NPHP4: variants seen among roughly 807,000 people sequenced by gnomAD.
NPHP4 encodes the protein nephrocystin-4.
A neutral mutation model predicts 155.8 loss-of-function variants in NPHP4; 151 were observed. The observed-to-expected ratio is 0.97, with a 90% confidence interval of 0.85 to 1.11. NPHP4 has a LOEUF of 1.11. NPHP4 is among the 50% of genes least tolerant of loss of function. The probability of loss-of-function intolerance (pLI) is 0.00; values close to 1 mark genes in which losing one functional copy is unlikely to be tolerated. For synonymous variants in NPHP4, 845 were observed against 816.8 expected (o/e 1.03, Z -0.59); for missense variants, 1,956 against 1,925.7 (o/e 1.02, Z -0.29).
intron 11 of NPHP4, among the ~76,000 whole-genome samples, chr1:5,922,360 T>C (rs1645785282): frequency 6.6e-6 from 1 of 152,228 alleles, no homozygotes; most frequent in Admixed American, 6.5e-5. Flanking sequence ...CAGAAACTAA[T>C]ATATTCCTTC....
chr1:5,875,320 T>C (rs767145150), intron 20 of NPHP4, among the ~76,000 whole-genome samples: 1 of 136,680 alleles, frequency 7.3e-6, no homozygotes, highest in Non-Finnish European at 1.6e-5. Flanking sequence ...GCTGGCTGTG[T>C]CCCTGACACG....
chr1:5,893,981 C>T (rs574761651), intron 16 of NPHP4, among the ~76,000 whole-genome samples: 2 of 152,236 alleles, frequency 1.3e-5, no homozygotes, highest in East Asian at 1.9e-4. Context: ...AGGTTATGAC[C>T]GTAGAGCGAG....
In NPHP4 at chr1:5,948,106, C is replaced by T. The variant is rs1396696272; in HGVS notation, c.956G>A (p.Ser319Asn). The T allele has an allele frequency of 6.2e-7, 1 of 1,613,942 alleles. No homozygotes were observed. The highest frequency in any genetic ancestry group is 2.2e-5 in the East Asian group (1 of 44,872). The change falls in exon 8 of 30, where the codon AGC becomes AAC. Residue 319 changes from serine (S) to asparagine (N), a missense_variant. Ser to Asn is a conservative substitution (Grantham distance 46). Coordinates refer to ENST00000378156, the MANE Select transcript of NPHP4 (RefSeq NM_015102.5). ...EMDVALTRSA[S>N]FSRKVVSSSK... ...AGAGGAGACCACTTTCCTGCTGAAG[C>T]TAGCTGAGCGCGTCAAGGCCACATC...
intron 5 of NPHP4, among the ~76,000 whole-genome samples, chr1:5,965,513 T>C (rs1354821521): frequency 6.6e-6 from 1 of 152,160 alleles, no homozygotes; most frequent in Non-Finnish European, 1.5e-5. Context: ...AAAGCCAATC[T>C]TCAGCAACGA....
At chr1:5,960,700 C>A (rs768214368) in intron 6 of NPHP4, among the ~76,000 whole-genome samples, 10 of 152,102 alleles carry the variant, frequency 6.6e-5, no homozygotes, top group Non-Finnish European at 1.5e-4. Flanking sequence ...ACAAAAGTCT[C>A]CAGAAGTGCC....
intron 11 of NPHP4, among the ~76,000 whole-genome samples, chr1:5,912,451 T>C (rs1304422300): frequency 7.0e-6 from 1 of 143,492 alleles, no homozygotes; most frequent in Non-Finnish European, 1.5e-5. Flanking sequence ...GGCAGGAGAA[T>C]GGCGTGAACC....
chr1:5,907,334 C>A (rs775861235), intron 12 of NPHP4, 112 bp from the exon 13 acceptor site: 4 of 601,542 alleles, frequency 6.6e-6, no homozygotes, highest in Non-Finnish European at 8.4e-6. Context: ...GATCCAGCCA[C>A]GGAAGGGAGT....
At chr1:5,948,311 A>G (rs1570586890) in intron 7 of NPHP4, 60 bp from the exon 8 acceptor site, 1 of 1,335,668 alleles carries the variant, frequency 7.5e-7, no homozygotes, top group Non-Finnish European at 1.0e-6. Context: ...GCTCGCCAGA[A>G]GTCCCTGGGG....
At chr1:5,960,462 G>A (rs897527365) in intron 6 of NPHP4, among the ~76,000 whole-genome samples, 12 of 152,160 alleles carry the variant, frequency 7.9e-5, no homozygotes, top group Middle Eastern at 3.4e-3. Flanking sequence ...CGCCGGAGCC[G>A]AGCTGCATCC....
rs184906687 is a variant in NPHP4, at chr1:5,917,523, T to C, written c.1442-8310A>G. ...CATCAGCTCTACCTCTAGGCTTTTCTGACACATGAGCCAATACATTCTCTC... is the reference window on the plus strand; with the variant it reads ...CATCAGCTCTACCTCTAGGCTTTTCCGACACATGAGCCAATACATTCTCTC... On this transcript the variant is annotated intron_variant, in intron 11 of 29. Transcript: ENST00000378156. Among the ~76,000 whole-genome samples the C allele has an allele frequency of 3.2e-3, 480 of 152,304 alleles. 17 individuals carry two copies. The highest frequency in any genetic ancestry group is 0.029 in the Admixed American group (449 of 15,302).
At chr1:5,896,335 T>C (rs1570309668) in intron 16 of NPHP4, among the ~76,000 whole-genome samples, 1 of 152,162 alleles carries the variant, frequency 6.6e-6, no homozygotes, top group African/African-American at 2.4e-5. Context: ...AAATGAATCA[T>C]ACTGAATATC....
rs2102455183 is a variant in NPHP4 at position 5,986,146 on chromosome 1, TTTTGTTACC to T, written c.135_135+8del. ...ATAACACGCATTTGCTAACAGCACA[TTTTGTTACC>T]TGCCTAATTACCGGTCCGTCCAGCC... is the stretch of plus-strand genomic sequence containing the variant. On this transcript the variant is annotated splice_donor_variant and splice_donor_5th_base_variant and coding_sequence_variant and intron_variant, in exon 2 of 30. Transcript: ENST00000378156. LOFTEE classifies it high-confidence loss of function. 6.2e-7 allele frequency: 1 copy of T among 1,613,714 alleles called. No homozygotes were observed. The highest frequency in any genetic ancestry group is 8.5e-7 in the Non-Finnish European group (1 of 1,179,776).
chr1:5,886,146 G>A (rs1279901293), intron 18 of NPHP4, among the ~76,000 whole-genome samples: 8 of 152,234 alleles, frequency 5.3e-5, no homozygotes, highest in Non-Finnish European at 7.3e-5. Context: ...AGAGCAGAAC[G>A]CTTCTTGCAA....
intron 11 of NPHP4, among the ~76,000 whole-genome samples, chr1:5,919,234 C>T (rs1331632855): frequency 6.6e-6 from 1 of 152,186 alleles, no homozygotes; most frequent in African/African-American, 2.4e-5. Context: ...AACAGAAATC[C>T]CAAATACAAG....
Position 5,907,163 on chromosome 1 carries a change from C to G in NPHP4, c.1563G>C (p.Arg521Ser). Residue 521 changes from arginine to serine, a missense_variant, in exon 13 of 30, where the codon AGG becomes AGC. Transcript: ENST00000378156. Reference protein sequence around the residue: ...PRSPTQHCLARPTSQLPHGSQ... With the variant: ...PRSPTQHCLASPTSQLPHGSQ... Reference sequence around the variant, plus strand: ...AGCCATGGGGTAGCTGTGAAGTAGGCCTGGCCAAGCAGTGCTGAGTCGGGG... The same window carrying G: ...AGCCATGGGGTAGCTGTGAAGTAGGGCTGGCCAAGCAGTGCTGAGTCGGGG... The G allele has an allele frequency of 1.9e-6, 3 of 1,587,932 alleles. No homozygotes were observed. The highest frequency in any genetic ancestry group is 3.3e-4 in the Middle Eastern group (2 of 6,010).
intron 15 of NPHP4, among the ~76,000 whole-genome samples, 152 bp from the exon 16 acceptor site, chr1:5,904,956 G>A (rs1169415740): frequency 6.6e-6 from 1 of 152,198 alleles, no homozygotes; most frequent in East Asian, 1.9e-4. Flanking sequence ...CCGCTTTGCT[G>A]TGCTCTCAGC....
At position 5,904,858 on chromosome 1, in the gene NPHP4, G is replaced by A. The variant is rs1033760991; in HGVS notation, c.1956-54C>T. ...TGAGTATCCATGGCACAGAACCTGA[G>A]GGGTCTAATGTGTGTTTGCATAGGG... On this transcript the variant is annotated intron_variant, in intron 15 of 29. Transcript: ENST00000378156. 33 of 1,552,062 alleles carry A rather than the reference G, an allele frequency of 2.1e-5. No homozygotes were observed. The East Asian group carries it at 3.6e-4, about 17-fold the overall frequency.
chr1:5,890,744 G>C lies in NPHP4; in HGVS notation c.2304+124C>G. The stretch of plus-strand genomic sequence containing the variant: ...GCACTATTTTTAACGAGTGAACAAA[G>C]AAGGTCAAACAAGTCCTGTGCGGGA... On this transcript the variant is annotated intron_variant, in intron 17 of 29. Coordinates refer to ENST00000378156, the MANE Select transcript of NPHP4 (RefSeq NM_015102.5). This position sits in a 1 kb window ranked among gnomAD's most constrained non-coding sequence, Gnocchi z 4.9. 1.3e-6 allele frequency: 1 copy of C among 747,384 alleles called. No individual in the cohort carries two copies. The highest frequency in any genetic ancestry group is 2.0e-6 in the Non-Finnish European group (1 of 491,562). 46.3% of individuals were successfully genotyped at this position (747,384 alleles called of 1,614,324 possible).
At position 5,905,586 on chromosome 1, in the gene NPHP4, GGC is replaced by G. The variant is rs1644876252; in HGVS notation, c.1763+44_1763+45del. The G allele has an allele frequency of 3.1e-6, 5 of 1,610,644 alleles. No homozygotes were observed. The African/African-American group carries it at 5.3e-5, about 17-fold the overall frequency. On this transcript the variant is annotated intron_variant, in intron 14 of 29. Transcript: ENST00000378156. This position sits in a 1 kb window ranked among gnomAD's most constrained non-coding sequence, Gnocchi z 4.0. ...GGTTCACAAGGTCCAACAGTCTGACGGCACAGCACGTGACTGGTTCCATCCCA... is the reference window on the plus strand; with the variant it reads ...GGTTCACAAGGTCCAACAGTCTGACGACAGCACGTGACTGGTTCCATCCCA...
Sources: allele counts gnomAD v4.1 joint callset (sites outside exome capture counted in the v4.1 genomes callset), GRCh38; gene constraint gnomAD v4.1.1; non-coding constraint Gnocchi (gnomAD v3.1); transcripts MANE v1.5; gene names NCBI Gene and HGNC (gene_info 2026-07-23, HGNC 2026-07-21).